SLC27A6: variants seen among roughly 807,000 people sequenced by gnomAD.
The protein encoded by SLC27A6 is long-chain fatty acid transport protein 6.
In SLC27A6, 74 loss-of-function variants were observed where a neutral mutation model predicts 63.9. The observed-to-expected ratio is 1.16, with a 90% CI of 0.96 to 1.40. SLC27A6 has a LOEUF of 1.40. Ranked by LOEUF, SLC27A6 falls within the 40% of genes most tolerant of loss-of-function variation. The pLI is 0.00. For synonymous variants in SLC27A6, 287 were observed against 260.8 expected, an observed-to-expected ratio of 1.10 and a Z score of -0.97; for missense variants, 794 against 732.9, an observed-to-expected ratio of 1.08 and a Z score of -0.96.
At chr5:129,013,453 A>T (rs1317309921) in intron 4 of SLC27A6, among the ~76,000 whole-genome samples, 2 of 152,102 alleles carry the variant, frequency 1.3e-5, no homozygotes, top group Non-Finnish European at 2.9e-5. Context: ...TTCTTGTACT[A>T]GCTTTAAAAT....
intron 9 of SLC27A6, among the ~76,000 whole-genome samples, chr5:129,032,225 G>A (rs1415250061): frequency 6.6e-6 from 1 of 151,950 alleles, no homozygotes; most frequent in Admixed American, 6.6e-5. Flanking sequence ...AGATTGGTAA[G>A]TATTTAGGTC....
Position 129,023,729 on chromosome 5 carries a change from G to A in SLC27A6, c.1255+19G>A. On this transcript the variant is annotated intron_variant, in intron 6 of 9. Transcript: ENST00000262462. The stretch of plus-strand genomic sequence containing the variant: ...AAAAAAGGTAAGACTTCTATTTGAA[G>A]ACATCTCCTCAAGCAAAGTTTCTGA... The A allele has an allele frequency of 6.4e-7, 1 of 1,551,152 alleles. No individual in the cohort carries two copies. Among genetic ancestry groups the A allele is most frequent in the Non-Finnish European group, 8.9e-7 (1 of 1,127,488 alleles).
chr5:129,019,347 A>C (rs1752002314), intron 5 of SLC27A6, among the ~76,000 whole-genome samples: 1 of 151,998 alleles, frequency 6.6e-6, no homozygotes, highest in Non-Finnish European at 1.5e-5. Flanking sequence ...ACATAGATAA[A>C]GCTTGAAAAA....
chr5:128,969,877 T>A (rs992869285), intron 1 of SLC27A6, among the ~76,000 whole-genome samples: 15 of 152,198 alleles, frequency 9.9e-5, no homozygotes, highest in Non-Finnish European at 1.8e-4. Flanking sequence ...CTTTGCCCAT[T>A]CAGTATGATA....
intron 4 of SLC27A6, among the ~76,000 whole-genome samples, chr5:129,009,251 A>G (rs1413908756): frequency 6.6e-6 from 1 of 152,228 alleles, no homozygotes; most frequent in South Asian, 2.1e-4. Context: ...CTGCATTATC[A>G]GTACTTGATC....
intron 1 of SLC27A6, among the ~76,000 whole-genome samples, chr5:128,968,155 C>T (rs983330814): frequency 8.5e-5 from 13 of 152,144 alleles, no homozygotes; most frequent in African/African-American, 3.1e-4. Context: ...TTAATCAAGT[C>T]TATCATTGAT....
chr5:129,029,476 A>T (rs1358429472), intron 8 of SLC27A6, 101 bp from the exon 9 acceptor site: 3 of 735,168 alleles, frequency 4.1e-6, no homozygotes, highest in Non-Finnish European at 6.6e-6. Flanking sequence ...TATTACTGAA[A>T]TAGATTTAAT....
chr5:128,970,167 A>G (rs1580696637), intron 1 of SLC27A6, among the ~76,000 whole-genome samples: 1 of 150,588 alleles, frequency 6.6e-6, no homozygotes, highest in African/African-American at 2.4e-5. Context: ...TTGGTTTGCC[A>G]GTATTTTATT....
intron 4 of SLC27A6, among the ~76,000 whole-genome samples, chr5:129,000,569 T>C (rs1159124001): frequency 6.6e-6 from 1 of 152,160 alleles, no homozygotes; most frequent in East Asian, 1.9e-4. Context: ...TTTGGATAAA[T>C]CAAAGTTTCT....
chr5:129,027,433 A>G (rs1752282689), intron 7 of SLC27A6, 102 bp downstream of exon 7: 1 of 843,780 alleles, frequency 1.2e-6, no homozygotes, highest in Non-Finnish European at 1.9e-6. Flanking sequence ...GGGCAGACAG[A>G]GCCCTTTTAT....
intron 4 of SLC27A6, among the ~76,000 whole-genome samples, chr5:128,993,553 T>G (rs1580719873): frequency 2.0e-5 from 3 of 152,228 alleles, no homozygotes; most frequent in South Asian, 2.1e-4. Context: ...CTTTTGTGTC[T>G]TGTACTCATT....
At chr5:129,022,579 C>T (rs1331603922) in intron 5 of SLC27A6, among the ~76,000 whole-genome samples, 1 of 152,148 alleles carries the variant, frequency 6.6e-6, no homozygotes, top group Non-Finnish European at 1.5e-5. Context: ...TTTTATCTCA[C>T]TTCATTTTAT....
chr5:129,015,233 T>C (rs1450493058), intron 4 of SLC27A6, among the ~76,000 whole-genome samples: 1 of 152,162 alleles, frequency 6.6e-6, no homozygotes, highest in East Asian at 1.9e-4. Flanking sequence ...TAGAACAAAA[T>C]AGAATCCTGT....
At position 128,986,536 on chromosome 5, in the gene SLC27A6, G is replaced by A. The variant is rs530984944; in HGVS notation, c.685+1200G>A. 2.0e-5 allele frequency among the ~76,000 whole-genome samples: 3 copies of A among 152,200 alleles called. No individual in the cohort carries two copies. In the South Asian group the frequency reaches 6.2e-4, roughly 32 times the overall value. On this transcript the variant is annotated intron_variant, in intron 2 of 9. Coordinates refer to ENST00000262462, the MANE Select transcript of SLC27A6 (RefSeq NM_001017372.3). ...TTCTTACATTTTAAAAATCTATTCA[G>A]TTCCTAATTGTAATCCCTTTTAGAC...
chr5:128,983,458 A>AT (rs1039152423), intron 1 of SLC27A6, among the ~76,000 whole-genome samples: 8 of 151,140 alleles, frequency 5.3e-5, no homozygotes, highest in African/African-American at 1.7e-4. Flanking sequence ...ATACCTGGCT[A>AT]TTTTTTTTGT....
At position 128,965,925 on chromosome 5, in the gene SLC27A6, CAG is replaced by C. The variant is rs1164093092; in HGVS notation, c.-212_-211del. 6.3e-6 allele frequency: 3 copies of C among 473,092 alleles called. No individual in the cohort carries two copies. Among genetic ancestry groups the C allele is most frequent in the Non-Finnish European group, 1.1e-5 (3 of 282,534 alleles). The allele number at this position is 473,092 out of a possible 1,614,324, so 29.3% of individuals were successfully genotyped here. A position where few individuals can be genotyped will look rare whatever the true frequency, so the allele number is the denominator to read the frequency against. ...CGCCCAGTGACCCAAGCTTAATCTT[CAG>C]CACCACTTGGGGCGACCTTTTCGGT... is the stretch of plus-strand genomic sequence containing the variant. On this transcript the variant is annotated 5_prime_UTR_variant, in exon 1 of 10. Coordinates refer to ENST00000262462, the MANE Select transcript of SLC27A6 (RefSeq NM_001017372.3).
At chr5:128,999,912 C>T (rs761049362) in intron 4 of SLC27A6, among the ~76,000 whole-genome samples, 15 of 152,160 alleles carry the variant, frequency 9.9e-5, no homozygotes, top group Non-Finnish European at 1.9e-4. Context: ...CTGACAGACC[C>T]TTCTGAGGAG....
chr5:129,003,959 C>T (rs1222324975), intron 4 of SLC27A6, among the ~76,000 whole-genome samples: 1 of 142,238 alleles, frequency 7.0e-6, no homozygotes, highest in Non-Finnish European at 1.5e-5. Flanking sequence ...CACAGTGAGA[C>T]CCTGTCTCAA....
At chr5:129,022,820 G>C (rs752275691) in intron 5 of SLC27A6, among the ~76,000 whole-genome samples, 1 of 152,088 alleles carries the variant, frequency 6.6e-6, no homozygotes, top group Non-Finnish European at 1.5e-5. Context: ...GTGAGACACT[G>C]TCTCAAAAAC....
Sources: allele counts gnomAD v4.1 joint callset (sites outside exome capture counted in the v4.1 genomes callset), GRCh38; gene constraint gnomAD v4.1.1; transcripts MANE v1.5; gene names NCBI Gene and HGNC (gene_info 2026-07-23, HGNC 2026-07-21).